ERG: variants seen among roughly 807,000 people sequenced by gnomAD.
ERG encodes ETS transcription factor ERG, also known as transcriptional regulator ERG.
ERG carries 9 observed loss-of-function variants against 55.3 expected under a neutral mutation model. The ratio of observed to expected loss-of-function variants is 0.16; its 90% CI spans 0.10 to 0.28. The LOEUF is 0.28. ERG is among the 10% of genes least tolerant of loss of function. ERG has a pLI of 1.00. For missense variants in ERG, 434 were observed against 631.6 expected (o/e 0.69, Z 3.35); for synonymous variants, 223 against 237.3 (o/e 0.94, Z 0.55).
intron 2 of ERG, among the ~76,000 whole-genome samples, chr21:38,429,192 C>T (rs1279128062): frequency 6.6e-6 from 1 of 152,046 alleles, no homozygotes; most frequent in African/African-American, 2.4e-5. Flanking sequence ...CAACTCCATC[C>T]AAGTTGCTGC....
At chr21:38,608,054 A>T (rs1286492643) in intron 1 of ERG, among the ~76,000 whole-genome samples, 1 of 152,234 alleles carries the variant, frequency 6.6e-6, no homozygotes, top group Non-Finnish European at 1.5e-5. Context: ...AAAGTCACAA[A>T]ATAAGTTGAC....
intron 8 of ERG, 72 bp downstream of exon 8, chr21:38,391,587 G>T (rs2146428307): frequency 1.6e-6 from 2 of 1,243,350 alleles, no homozygotes; most frequent in Non-Finnish European, 2.3e-6. Flanking sequence ...ATTAAAAAGT[G>T]AAGCATTTTA....
chr21:38,544,263 C>T (rs1316868030), intron 2 of ERG, among the ~76,000 whole-genome samples: 1 of 152,248 alleles, frequency 6.6e-6, no homozygotes, highest in Middle Eastern at 3.4e-3. Context: ...AAGAAGTAAC[C>T]GGGATCAGGT....
At chr21:38,580,539 C>G (rs1469513998) in intron 1 of ERG, among the ~76,000 whole-genome samples, 1 of 152,158 alleles carries the variant, frequency 6.6e-6, no homozygotes, top group East Asian at 1.9e-4. Flanking sequence ...TTCTTTAATA[C>G]TTGTTTCTTG....
intron 1 of ERG, among the ~76,000 whole-genome samples, chr21:38,653,394 C>T (rs2060499775): frequency 6.6e-6 from 1 of 152,170 alleles, no homozygotes; most frequent in Non-Finnish European, 1.5e-5. Context: ...TATCTTCTCA[C>T]CTTGAGTCAA....
Position 38,393,416 on chromosome 21 carries a change from T to C in ERG, c.746-972A>G, listed in dbSNP as rs183013467. On this transcript the variant is annotated intron_variant, in intron 6 of 9. Coordinates refer to ENST00000288319, the MANE Select transcript of ERG (RefSeq NM_182918.4). ...CATGCAATCTTATTACATAACTGTT[T>C]CAAAATTATGTCTTCTTGGATTGCT... is the stretch of plus-strand genomic sequence containing the variant. Among the ~76,000 whole-genome samples, 119 of 152,336 alleles carry C rather than the reference T, an allele frequency of 7.8e-4. 1 individual carries two copies. The highest frequency in any genetic ancestry group is 2.2e-3 in the African/African-American group (93 of 41,582).
At chr21:38,622,931 CCA>C (rs1158610576) in intron 1 of ERG, among the ~76,000 whole-genome samples, 6,240 of 122,300 alleles carry the variant, frequency 0.051, 265 homozygotes, top group African/African-American at 0.13. Context: ...CCATACCACA[CCA>C]CACACACACA....
rs1987460959 is a variant in ERG at position 38,381,977 on chromosome 21, T to C, written c.*1426A>G. 2 of 1,061,794 alleles carry C rather than the reference T, an allele frequency of 1.9e-6. No individual in the cohort carries two copies. The highest frequency in any genetic ancestry group is 1.6e-5 in the African/African-American group (1 of 60,878). The allele number at this position is 1,061,794 out of a possible 1,614,324, so 65.8% of individuals were successfully genotyped here. On this transcript the variant is annotated 3_prime_UTR_variant, in exon 10 of 10. Transcript: ENST00000288319. ...CCACAACATTCAGCACATGTTTTCA[T>C]TAAGCAACTTTAGTCACTAAAAAAA...
chr21:38,470,387 C>G (rs570641895), intron 1 of ERG, among the ~76,000 whole-genome samples: 44 of 152,222 alleles, frequency 2.9e-4, no homozygotes, highest in Non-Finnish European at 4.6e-4. Context: ...TATCAGGGAT[C>G]TTATATGCTG....
chr21:38,637,700 A>T (rs2060398351), intron 1 of ERG, among the ~76,000 whole-genome samples: 2 of 152,188 alleles, frequency 1.3e-5, no homozygotes, highest in African/African-American at 4.8e-5. Flanking sequence ...TTTTTAACTT[A>T]CTGTAATATC....
chr21:38,483,093 A>T (rs2059252284), intron 1 of ERG, among the ~76,000 whole-genome samples: 1 of 152,268 alleles, frequency 6.6e-6, no homozygotes, highest in African/African-American at 2.4e-5. Context: ...GATCTCACTT[A>T]TATGTAAAAT....
intron 2 of ERG, among the ~76,000 whole-genome samples, chr21:38,544,177 G>A (rs2059773414): frequency 1.3e-5 from 2 of 152,218 alleles, no homozygotes; most frequent in Non-Finnish European, 2.9e-5. Context: ...CAAAGGCCCT[G>A]GGGTGAGGAA....
At chr21:38,489,897 CTTG>C (rs1568847988) in intron 1 of ERG, among the ~76,000 whole-genome samples, 2 of 152,334 alleles carry the variant, frequency 1.3e-5, no homozygotes, top group South Asian at 4.1e-4. Flanking sequence ...CCTCATCATC[CTTG>C]TTGTCTTTTG....
At chr21:38,478,391 T>G (rs571754543) in intron 1 of ERG, among the ~76,000 whole-genome samples, 10 of 152,334 alleles carry the variant, frequency 6.6e-5, no homozygotes, top group Admixed American at 5.2e-4. Context: ...TCTCCATTTT[T>G]GCAGCCAAAT....
At chr21:38,489,583 T>C (rs2146671865) in intron 1 of ERG, among the ~76,000 whole-genome samples, 1 of 152,362 alleles carries the variant, frequency 6.6e-6, no homozygotes, top group Non-Finnish European at 1.5e-5. Context: ...CCTTGGACAA[T>C]ATTCTTATTT....
chr21:38,498,000 C>T (rs938583248), intron 1 of ERG, among the ~76,000 whole-genome samples: 6 of 152,296 alleles, frequency 3.9e-5, no homozygotes, highest in East Asian at 1.9e-4. Flanking sequence ...TGCTTTGACC[C>T]GACCCTTCAA....
chr21:38,598,932 A>G (rs2146907382), intron 1 of ERG, among the ~76,000 whole-genome samples: 1 of 152,158 alleles, frequency 6.6e-6, no homozygotes, highest in African/African-American at 2.4e-5. Flanking sequence ...GCTGTGCAGC[A>G]CCTCTCTCCA....
At chr21:38,598,310 T>G (rs527634821) in intron 1 of ERG, among the ~76,000 whole-genome samples, 20 of 152,310 alleles carry the variant, frequency 1.3e-4, no homozygotes, top group Admixed American at 3.3e-4. Context: ...AGCCGGACTA[T>G]GAGACTGGCT....
At chr21:38,537,946 A>T (rs1391751854) in intron 2 of ERG, among the ~76,000 whole-genome samples, 2 of 152,240 alleles carry the variant, frequency 1.3e-5, no homozygotes, top group Non-Finnish European at 2.9e-5. Flanking sequence ...ATATACACAT[A>T]TCATGGGATA....
Sources: allele counts gnomAD v4.1 joint callset (sites outside exome capture counted in the v4.1 genomes callset), GRCh38; gene constraint gnomAD v4.1.1; transcripts MANE v1.5; gene names NCBI Gene and HGNC (gene_info 2026-07-23, HGNC 2026-07-21).